ARID2: variants seen among roughly 807,000 people sequenced by gnomAD.
ARID2 encodes the protein AT-rich interactive domain-containing protein 2.
ARID2 carries 32 observed loss-of-function variants against 184.6 expected under a neutral mutation model. That is an observed-to-expected ratio of 0.17 (90% confidence interval 0.13 to 0.23). ARID2 has a LOEUF of 0.23. Ranked by LOEUF, ARID2 falls within the 10% of genes least tolerant of loss-of-function variation. The probability of loss-of-function intolerance (pLI) is 1.00; values close to 1 mark genes in which losing one functional copy is unlikely to be tolerated. For synonymous variants in ARID2, 836 were observed against 772.6 expected, an observed-to-expected ratio of 1.08 and a Z score of -1.36; for missense variants, 1,696 against 2,197.6, an observed-to-expected ratio of 0.77 and a Z score of 4.56.
intron 3 of ARID2, among the ~76,000 whole-genome samples, chr12:45,753,904 C>T (rs765148213): frequency 4.0e-5 from 6 of 150,762 alleles, no homozygotes; most frequent in Non-Finnish European, 7.4e-5. Context: ...CTTGCTTACC[C>T]ACCTTATTTG....
chr12:45,852,930 A>T, intron 15 of ARID2, 34 bp downstream of exon 15: 1 of 1,507,750 alleles, frequency 6.6e-7, no homozygotes, highest in Non-Finnish European at 8.8e-7. Context: ...TCTCTTATGA[A>T]ATTTCTGATC....
intron 15 of ARID2, among the ~76,000 whole-genome samples, chr12:45,857,587 T>A (rs1943672506): frequency 6.6e-6 from 1 of 152,208 alleles, no homozygotes; most frequent in African/African-American, 2.4e-5. Context: ...GAGGAAATGT[T>A]AGAGCTGAAG....
At chr12:45,768,980 A>G (rs1292096081) in intron 3 of ARID2, among the ~76,000 whole-genome samples, 1 of 152,174 alleles carries the variant, frequency 6.6e-6, no homozygotes, top group Non-Finnish European at 1.5e-5. Flanking sequence ...CTGAGGAGGA[A>G]CATGAGGGGC....
chr12:45,764,478 G>C (rs1337880132), intron 3 of ARID2, among the ~76,000 whole-genome samples: 1 of 152,186 alleles, frequency 6.6e-6, no homozygotes, highest in Non-Finnish European at 1.5e-5. Context: ...ATGTAGAACA[G>C]TTGTGTTACC....
chr12:45,838,937 C>T (rs1321496942), intron 10 of ARID2, among the ~76,000 whole-genome samples: 1 of 149,768 alleles, frequency 6.7e-6, no homozygotes, highest in Non-Finnish European at 1.5e-5. Flanking sequence ...CTGATCTTGG[C>T]TCACTGCAAG....
chr12:45,738,289 AT>A (rs1941170358), intron 3 of ARID2, among the ~76,000 whole-genome samples: 1 of 152,120 alleles, frequency 6.6e-6, no homozygotes, highest in South Asian at 2.1e-4. Context: ...TTTTCAAAAC[AT>A]TTTCATATGG....
At chr12:45,777,647 A>G (rs1942010592) in intron 3 of ARID2, among the ~76,000 whole-genome samples, 1 of 151,982 alleles carries the variant, frequency 6.6e-6, no homozygotes, top group African/African-American at 2.4e-5. Flanking sequence ...ATCTTTCAAT[A>G]TAGGTGCTAC....
intron 20 of ARID2, among the ~76,000 whole-genome samples, chr12:45,902,835 G>A (rs901469248): frequency 1.3e-5 from 2 of 152,098 alleles, no homozygotes; most frequent in South Asian, 2.1e-4. Flanking sequence ...ATCAATTTTT[G>A]TACAACTAAT....
intron 18 of ARID2, among the ~76,000 whole-genome samples, chr12:45,892,869 T>C (rs1453094870): frequency 6.6e-6 from 1 of 152,172 alleles, no homozygotes; most frequent in East Asian, 1.9e-4. Context: ...AAAGGATTGA[T>C]TGAAATTATA....
At chr12:45,743,013 A>G (rs1299248482) in intron 3 of ARID2, among the ~76,000 whole-genome samples, 2 of 152,058 alleles carry the variant, frequency 1.3e-5, no homozygotes, top group Admixed American at 6.6e-5. Flanking sequence ...GTATCTCACT[A>G]TATTTTAATT....
chr12:45,868,128 A>G (rs1053643546), intron 16 of ARID2, among the ~76,000 whole-genome samples: 20 of 152,094 alleles, frequency 1.3e-4, no homozygotes, highest in African/African-American at 4.1e-4. Context: ...AATTTGCAAT[A>G]CTTCTCTGTA....
At chr12:45,830,800 A>G (rs1164241916) in intron 6 of ARID2, among the ~76,000 whole-genome samples, 4 of 152,184 alleles carry the variant, frequency 2.6e-5, no homozygotes, top group Non-Finnish European at 4.4e-5. Context: ...CTATAATCCC[A>G]ACACTTTGAC....
intron 3 of ARID2, among the ~76,000 whole-genome samples, chr12:45,783,750 T>C (rs1193094698): frequency 6.6e-6 from 1 of 152,250 alleles, no homozygotes; most frequent in East Asian, 1.9e-4. Context: ...GCCCGGTTCC[T>C]AACAGGTCAG....
At position 45,904,923 on chromosome 12, in the gene ARID2, T is replaced by A. The variant is rs202202464; in HGVS notation, c.5364-11T>A. The A allele has an allele frequency of 2.9e-3, 4,700 of 1,611,172 alleles. 23 individuals are homozygous for A. Among genetic ancestry groups the A allele is most frequent in the Non-Finnish European group, 3.4e-3 (3,962 of 1,178,864 alleles). ...TTGGAGACTGACAATCTTCTATATG[T>A]TTTTTTGCAGATTGTTAAAGAGACA... On this transcript the variant is annotated splice_polypyrimidine_tract_variant and intron_variant, in intron 20 of 20. Transcript: ENST00000334344.
At chr12:45,771,109 A>G (rs1052953417) in intron 3 of ARID2, among the ~76,000 whole-genome samples, 10 of 152,228 alleles carry the variant, frequency 6.6e-5, no homozygotes, top group African/African-American at 2.2e-4. Context: ...TATAATTATA[A>G]AAGATAGTAT....
At chr12:45,755,554 G>A (rs1941552358) in intron 3 of ARID2, among the ~76,000 whole-genome samples, 1 of 152,224 alleles carries the variant, frequency 6.6e-6, no homozygotes, top group Admixed American at 6.5e-5. Flanking sequence ...CAGGTTAATA[G>A]AGAATTCTAC....
At chr12:45,891,023 C>T (rs897017432) in intron 16 of ARID2, among the ~76,000 whole-genome samples, 7 of 151,910 alleles carry the variant, frequency 4.6e-5, no homozygotes, top group African/African-American at 1.2e-4. Context: ...AAATTAGCCG[C>T]GCATGGTGGC....
At chr12:45,823,904 A>G (rs1185535988) in intron 6 of ARID2, among the ~76,000 whole-genome samples, 1 of 152,188 alleles carries the variant, frequency 6.6e-6, no homozygotes, top group Non-Finnish European at 1.5e-5. Flanking sequence ...AAAAATCTGA[A>G]GGGGAGAGAA....
intron 3 of ARID2, among the ~76,000 whole-genome samples, chr12:45,807,800 T>A (rs1942629441): frequency 6.6e-6 from 1 of 152,182 alleles, no homozygotes; most frequent in Non-Finnish European, 1.5e-5. Context: ...TCCAATACCA[T>A]CTTGGTGATG....
Sources: gnomAD v4.1 joint callset for allele counts (sites outside exome capture counted in the v4.1 genomes callset) on GRCh38, gnomAD v4.1.1 for gene constraint, MANE v1.5 for transcripts, NCBI Gene and HGNC (gene_info 2026-07-23, HGNC 2026-07-21) for gene names.